Variants in FAM20C observed in about 807,000 individuals in gnomAD.
FAM20C encodes FAM20C golgi associated secretory pathway kinase.
Under a neutral mutation model 51.5 loss-of-function variants are expected in FAM20C, and 40 were observed. The ratio of observed to expected loss-of-function variants is 0.78; its 90% CI spans 0.60 to 1.01. The LOEUF (loss-of-function observed/expected upper bound fraction) is 1.01, where lower values mean the gene tolerates loss of function less well. Among genes scored for constraint, FAM20C ranks in the 50% least tolerant of loss-of-function variants. FAM20C has a pLI of 0.00. For missense variants in FAM20C, 861 were observed against 844.7 expected (o/e 1.02, Z -0.24); for synonymous variants, 406 against 380.6 (o/e 1.07, Z -0.78).
At position 195,560 on chromosome 7, in the gene FAM20C, T is replaced by C. The variant is rs1222165836; in HGVS notation, c.612T>C (p.His204=). The C allele has an allele frequency of 6.3e-7, 1 of 1,579,690 alleles. No individual in the cohort carries two copies. The highest frequency in any genetic ancestry group is 1.7e-5 in the Admixed American group (1 of 57,490). ...PKAAENPDWP[H]AGAEGAEFLS... ...TCCTCGCTGCTCCCTGCAGGCCGCA[T>C]GCGGGTGCTGAAGGTGCAGAATTCC... Residue 204 remains histidine (H), a synonymous_variant, in exon 2 of 10, where the codon CAT becomes CAC. Coordinates refer to ENST00000313766, the MANE Select transcript of FAM20C (RefSeq NM_020223.4).
At chr7:257,207 C>T (rs368167963) in intron 8 of FAM20C, 121 bp downstream of exon 8, 72 of 998,564 alleles carry the variant, frequency 7.2e-5, no homozygotes, top group East Asian at 4.2e-4. Context: ...ATGGGAATGT[C>T]GCAAAGGCCC....
intron 5 of FAM20C, among the ~76,000 whole-genome samples, chr7:252,898 T>C (rs985382006): frequency 2.0e-5 from 3 of 152,252 alleles, no homozygotes; most frequent in African/African-American, 7.2e-5. Context: ...CGTCTGCACG[T>C]TGCAAACGTC....
intron 2 of FAM20C, among the ~76,000 whole-genome samples, chr7:196,559 G>A (rs781381104): frequency 2.6e-5 from 4 of 152,218 alleles, no homozygotes; most frequent in Non-Finnish European, 5.9e-5. Context: ...GGCAGGTGCA[G>A]AGGCCATGAC....
chr7:235,694 C>T (rs1173500856), intron 3 of FAM20C, among the ~76,000 whole-genome samples: 2 of 152,196 alleles, frequency 1.3e-5, no homozygotes, highest in African/African-American at 4.8e-5. Context: ...AGCCGGTCAG[C>T]TCAGCTTGCT....
chr7:230,907 A>G (rs755708450), intron 3 of FAM20C, among the ~76,000 whole-genome samples: 9 of 152,186 alleles, frequency 5.9e-5, no homozygotes, highest in Non-Finnish European at 1.3e-4. Context: ...AAAGCGCCAC[A>G]TCAACCTGGC....
intron 8 of FAM20C, 151 bp from the exon 9 acceptor site, chr7:258,495 C>T: frequency 1.5e-6 from 1 of 646,834 alleles, no homozygotes; most frequent in Non-Finnish European, 2.7e-6. Context: ...TGGGATGGAC[C>T]CACTGCCCGG....
At chr7:253,636 G>A (rs1345043313) in intron 5 of FAM20C, among the ~76,000 whole-genome samples, 6 of 152,204 alleles carry the variant, frequency 3.9e-5, no homozygotes, top group Admixed American at 1.3e-4. Flanking sequence ...CCGTGATGCC[G>A]GCGTTGCTGG....
intron 3 of FAM20C, 37 bp from the exon 4 acceptor site, chr7:246,378 G>A (rs763817780): frequency 1.6e-5 from 24 of 1,519,022 alleles, no homozygotes; most frequent in Middle Eastern, 3.4e-4. Flanking sequence ...GGCTTTCTCA[G>A]TGACAAACCG....
At chr7:252,703 A>C (rs1224291364) in intron 5 of FAM20C, among the ~76,000 whole-genome samples, 1 of 152,098 alleles carries the variant, frequency 6.6e-6, no homozygotes, top group Admixed American at 6.5e-5. Context: ...TGGGAGGGAG[A>C]AGCAGGAGGC....
intron 5 of FAM20C, among the ~76,000 whole-genome samples, chr7:255,340 C>A (rs536254652): frequency 6.6e-6 from 1 of 152,150 alleles, no homozygotes; most frequent in Non-Finnish European, 1.5e-5. Flanking sequence ...CGATGGCGCC[C>A]GTCTCTTCTC....
chr7:246,337 C>A (rs1306050178), intron 3 of FAM20C, 78 bp from the exon 4 acceptor site: 6 of 1,225,236 alleles, frequency 4.9e-6, no homozygotes, highest in Non-Finnish European at 6.9e-6. Context: ...ATGAGGAACC[C>A]AGCACGTCCC....
intron 8 of FAM20C, chr7:257,419 T>G: frequency 3.2e-5 from 8 of 250,560 alleles, no homozygotes; most frequent in Non-Finnish European, 5.3e-5. Context: ...CTGCACGCGG[T>G]ACCTGGAGCC....
intron 5 of FAM20C, among the ~76,000 whole-genome samples, chr7:253,697 C>A (rs933973455): frequency 2.9e-4 from 39 of 135,946 alleles, no homozygotes; most frequent in African/African-American, 1.1e-3. Context: ...GAGGCACTTG[C>A]CTGAGGTCAC....
At chr7:246,542 C>CTCCATCCGCGCTCCT in intron 4 of FAM20C, 35 bp downstream of exon 4, 4 of 1,278,068 alleles carry the variant, frequency 3.1e-6, no homozygotes, top group South Asian at 2.7e-5. Flanking sequence ...TCCGCGCTCC[C>CTCCATCCGCGCTCCT]GTGCGCTCAG....
intron 3 of FAM20C, among the ~76,000 whole-genome samples, chr7:235,534 G>A (rs1787821645): frequency 6.6e-6 from 1 of 152,204 alleles, no homozygotes; most frequent in Admixed American, 6.5e-5. Context: ...TTCTTCGAAT[G>A]TGATGTTTTG....
At chr7:223,631 C>T (rs1290411019) in intron 3 of FAM20C, among the ~76,000 whole-genome samples, 1 of 152,178 alleles carries the variant, frequency 6.6e-6, no homozygotes, top group Non-Finnish European at 1.5e-5. Flanking sequence ...CACCGAGCCC[C>T]GTGGGGACGG....
In FAM20C at chr7:251,388, T is replaced by C. The variant is rs141527096; in HGVS notation, c.1072+2958T>C. 9.8e-3 allele frequency among the ~76,000 whole-genome samples: 1,492 copies of C among 152,218 alleles called. 8 individuals carry two copies. The highest frequency in any genetic ancestry group is 0.051 in the Middle Eastern group (15 of 294). The stretch of plus-strand genomic sequence containing the variant: ...GAAAAATTAGCCAGGTCTGGTGGCA[T>C]GCATCTGTGATTCCAGCAACTCAGG... On this transcript the variant is annotated intron_variant, in intron 5 of 9. Coordinates refer to ENST00000313766, the MANE Select transcript of FAM20C (RefSeq NM_020223.4).
intron 5 of FAM20C, among the ~76,000 whole-genome samples, chr7:253,122 A>G (rs1187916818): frequency 6.6e-6 from 1 of 152,168 alleles, no homozygotes; most frequent in East Asian, 1.9e-4. Flanking sequence ...TGCTGCGTCC[A>G]GCTTAAATGC....
At chr7:220,617 G>C (rs1174006506) in intron 3 of FAM20C, among the ~76,000 whole-genome samples, 1 of 152,190 alleles carries the variant, frequency 6.6e-6, no homozygotes, top group Non-Finnish European at 1.5e-5. Flanking sequence ...GGCGGCGTTG[G>C]AGCTGAGACC....
Sources: gnomAD v4.1 joint callset for allele counts (sites outside exome capture counted in the v4.1 genomes callset) on GRCh38, gnomAD v4.1.1 for gene constraint, MANE v1.5 for transcripts, NCBI Gene and HGNC (gene_info 2026-07-23, HGNC 2026-07-21) for gene names.